TTLL7: variants seen among roughly 807,000 people sequenced by gnomAD.
TTLL7 encodes tubulin tyrosine ligase like 7, also known as tubulin polyglutamylase TTLL7.
TTLL7 carries 53 observed loss-of-function variants against 120.2 expected under a neutral mutation model. The ratio of observed to expected loss-of-function variants is 0.44; its 90% CI spans 0.35 to 0.55. The LOEUF is 0.55. TTLL7 is among the 20% of genes least tolerant of loss of function. The pLI is 0.00. For synonymous variants in TTLL7, 353 were observed against 351.7 expected, an observed-to-expected ratio of 1.00 and a Z score of -0.04; for missense variants, 803 against 1,054.7, an observed-to-expected ratio of 0.76 and a Z score of 3.31.
At chr1:83,903,124 A>C (rs1571127768) in intron 18 of TTLL7, among the ~76,000 whole-genome samples, 1 of 152,084 alleles carries the variant, frequency 6.6e-6, no homozygotes, top group South Asian at 2.1e-4. Context: ...CTGAAATAAA[A>C]CCCAGTATCT....
chr1:83,904,200 AC>A, intron 17 of TTLL7, 41 bp from the exon 18 acceptor site: 1 of 1,482,982 alleles, frequency 6.7e-7, no homozygotes, highest in Non-Finnish European at 9.3e-7. Flanking sequence ...ACAGGTTGAA[AC>A]CCATTTTTTA....
intron 18 of TTLL7, among the ~76,000 whole-genome samples, chr1:83,892,846 A>ATATGAACGCATATG (rs1571088089): frequency 1.5e-4 from 3 of 19,544 alleles, no homozygotes; most frequent in African/African-American, 3.6e-4. Flanking sequence ...GAACACATAT[A>ATATGAACGCATATG]TGAGTATATA....
At chr1:83,975,196 CA>C (rs1316041649) in intron 1 of TTLL7, among the ~76,000 whole-genome samples, 1 of 152,106 alleles carries the variant, frequency 6.6e-6, no homozygotes, top group East Asian at 1.9e-4. Context: ...TACAACCAGG[CA>C]TTTCAATATA....
At chr1:83,871,366 T>A (rs1308742499) in intron 20 of TTLL7, among the ~76,000 whole-genome samples, 1 of 152,196 alleles carries the variant, frequency 6.6e-6, no homozygotes, top group Admixed American at 6.5e-5. Context: ...GCCAGTCCAA[T>A]CTATATGTCT....
chr1:83,870,928 G>A (rs987687313), intron 20 of TTLL7, among the ~76,000 whole-genome samples: 1 of 150,780 alleles, frequency 6.6e-6, no homozygotes, highest in Non-Finnish European at 1.5e-5. Flanking sequence ...AAAAAATCAT[G>A]ATTACGGGTT....
intron 1 of TTLL7, among the ~76,000 whole-genome samples, chr1:83,959,976 C>A (rs1280159179): frequency 6.6e-6 from 1 of 151,614 alleles, no homozygotes; most frequent in African/African-American, 2.4e-5. Context: ...TGATAAACAC[C>A]AAGTCTGATA....
At position 83,865,929 on chromosome 1, in the gene TTLL7, T is replaced by C. The variant is rs566294587; in HGVS notation, c.*4033A>G. On this transcript the variant is annotated 3_prime_UTR_variant, in exon 21 of 21. Transcript: ENST00000260505. ...AAAATTGTCATCATGAATATATTTC[T>C]AAATTTTTATTTATTTATAAGTCAA... 42 of 152,106 alleles carry C rather than the reference T, an allele frequency of 2.8e-4. No individual in the cohort carries two copies. Among genetic ancestry groups the C allele is most frequent in the African/African-American group, 1.0e-3 (42 of 41,578 alleles). 9.4% of individuals were successfully genotyped at this position (152,106 alleles called of 1,614,324 possible). A position where few individuals can be genotyped will look rare whatever the true frequency, so the allele number is the denominator to read the frequency against.
intron 1 of TTLL7, among the ~76,000 whole-genome samples, chr1:83,993,207 A>C (rs1438672366): frequency 1.3e-5 from 2 of 152,198 alleles, no homozygotes; most frequent in East Asian, 3.9e-4. Flanking sequence ...CCTACCTTAC[A>C]TGAGAGATAT....
In TTLL7 at chr1:83,901,881, G is replaced by A. The variant is rs556410916; in HGVS notation, c.2208+2198C>T. The stretch of plus-strand genomic sequence containing the variant: ...ATAGTTTGTATTACTGAAGGAATTC[G>A]ACAACTTCACTCCACTACTAAAATA... On this transcript the variant is annotated intron_variant, in intron 18 of 20. Transcript: ENST00000260505. 4.6e-5 allele frequency: 7 copies of A among 151,986 alleles called. No individual in the cohort carries two copies. In the East Asian group the frequency reaches 9.7e-4, roughly 21 times the overall value. 9.4% of individuals were successfully genotyped at this position (151,986 alleles called of 1,614,324 possible).
At chr1:83,981,041 A>G (rs895443001) in intron 1 of TTLL7, 5 of 139,512 alleles carry the variant, frequency 3.6e-5, no homozygotes, top group Admixed American at 3.6e-4. Context: ...CTTATAAATA[A>G]ATAAAAATGC....
At chr1:83,886,923 T>A (rs1218942609) in intron 19 of TTLL7, among the ~76,000 whole-genome samples, 1 of 152,054 alleles carries the variant, frequency 6.6e-6, no homozygotes, top group Non-Finnish European at 1.5e-5. Context: ...ATTTTATTTA[T>A]GGAAATTCCA....
At chr1:83,989,992 C>T (rs1652831742) in intron 1 of TTLL7, among the ~76,000 whole-genome samples, 1 of 151,988 alleles carries the variant, frequency 6.6e-6, no homozygotes, top group South Asian at 2.1e-4. Flanking sequence ...TGGCTCTTAG[C>T]TTGAATGCTA....
chr1:83,958,161 T>C (rs1272383884), intron 1 of TTLL7, among the ~76,000 whole-genome samples: 2 of 152,184 alleles, frequency 1.3e-5, no homozygotes, highest in East Asian at 3.9e-4. Context: ...TTTATACATA[T>C]AAAACTCTGA....
chr1:83,922,355 A>G (rs1658746660), intron 10 of TTLL7, among the ~76,000 whole-genome samples: 1 of 152,158 alleles, frequency 6.6e-6, no homozygotes, highest in Non-Finnish European at 1.5e-5. Flanking sequence ...GCTAGCTTCT[A>G]GTGCAGAGGT....
chr1:83,986,858 G>A (rs1199296391), intron 1 of TTLL7, among the ~76,000 whole-genome samples: 2 of 152,042 alleles, frequency 1.3e-5, no homozygotes, highest in East Asian at 3.9e-4. Flanking sequence ...AGAAGAAGAA[G>A]AAGAAGGCAA....
Position 83,906,315 on chromosome 1 carries a change from C to A in TTLL7, c.2127+14G>T, listed in dbSNP as rs931282482. On this transcript the variant is annotated intron_variant, in intron 17 of 20. Transcript: ENST00000260505. ...TACCAGCTCCTTGGCATTTTAGATA[C>A]ATCACATACTCACATCTTCTATCAG... 3.7e-6 allele frequency: 6 copies of A among 1,607,490 alleles called. No individual in the cohort carries two copies. In the South Asian group the frequency reaches 6.7e-5, roughly 18 times the overall value.
intron 19 of TTLL7, chr1:83,887,431 T>C (rs569762011): frequency 4.6e-6 from 1 of 215,424 alleles, no homozygotes; most frequent in Non-Finnish European, 9.5e-6. Context: ...GAAGAACTAT[T>C]CTGGGTCCAA....
intron 18 of TTLL7, among the ~76,000 whole-genome samples, chr1:83,892,807 T>TATATGAACGCATATGTGAACATAC (rs1655810251): frequency 6.6e-6 from 1 of 151,938 alleles, no homozygotes; most frequent in Admixed American, 6.6e-5. Flanking sequence ...TGTGAACATA[T>TATATGAACGCATATGTGAACATAC]ATATGAACGC....
At chr1:83,974,576 T>C (rs1455213240) in intron 1 of TTLL7, among the ~76,000 whole-genome samples, 1 of 151,986 alleles carries the variant, frequency 6.6e-6, no homozygotes, top group Non-Finnish European at 1.5e-5. Context: ...TAAGGTATTG[T>C]CTTCATGCCA....
Sources: gnomAD v4.1 joint callset for allele counts (sites outside exome capture counted in the v4.1 genomes callset) on GRCh38, gnomAD v4.1.1 for gene constraint, MANE v1.5 for transcripts, NCBI Gene and HGNC (gene_info 2026-07-23, HGNC 2026-07-21) for gene names.